SYNE2: variants seen among roughly 807,000 people sequenced by gnomAD.
The protein encoded by SYNE2 is spectrin repeat containing nuclear envelope protein 2, also known as nesprin-2.
Under a neutral mutation model 856.3 loss-of-function variants are expected in SYNE2, and 431 were observed. That is an observed-to-expected ratio of 0.50 (90% CI 0.47 to 0.55). The LOEUF is 0.55. Ranked by LOEUF, SYNE2 falls within the 20% of genes least tolerant of loss-of-function variation. The pLI is 0.00. For missense variants in SYNE2, 8,129 were observed against 8,023.2 expected (o/e 1.01, Z -0.50); for synonymous variants, 2,923 against 2,872.3 (o/e 1.02, Z -0.56).
chr14:64,038,157 C>G (rs1335916078), intron 45 of SYNE2, among the ~76,000 whole-genome samples: 1 of 152,136 alleles, frequency 6.6e-6, no homozygotes, highest in African/African-American at 2.4e-5. Flanking sequence ...TCCTCACATC[C>G]CAGACGGGGC....
chr14:64,218,564 T>C (rs2098677828), intron 109 of SYNE2, 52 bp downstream of exon 109: 1 of 1,556,816 alleles, frequency 6.4e-7, no homozygotes, highest in Non-Finnish European at 8.8e-7. Context: ...GGTATTTAAG[T>C]CCTTGCTCAA....
chr14:63,855,143 A>G (rs950028352), intron 1 of SYNE2, among the ~76,000 whole-genome samples: 1 of 151,976 alleles, frequency 6.6e-6, no homozygotes, highest in Non-Finnish European at 1.5e-5. Flanking sequence ...TACCTTTTTC[A>G]TCTATAAGTA....
chr14:63,912,245 A>AG (rs1317321355), intron 2 of SYNE2, among the ~76,000 whole-genome samples: 39 of 152,340 alleles, frequency 2.6e-4, no homozygotes, highest in African/African-American at 9.1e-4. Flanking sequence ...AAGTTGTTGA[A>AG]GGAAAGAAGG....
At position 64,107,496 on chromosome 14, in the gene SYNE2, A is replaced by G. The variant is rs112274587; in HGVS notation, c.12498A>G (p.Ala4166=). 1 of 1,613,922 alleles carries G rather than the reference A, an allele frequency of 6.2e-7. No individual in the cohort carries two copies. The highest frequency in any genetic ancestry group is 8.5e-7 in the Non-Finnish European group (1 of 1,179,758). ...TCTGATTCTTTTCTTTACAGGAAGC[A>G]TATGGGAAAATAAGCACCTCTGATA... The part of the protein sequence containing the change: ...SSSSGTIVQE[A]YGKISTSDNS... The change falls in exon 65 of 116, where the codon GCA becomes GCG. Residue 4166 remains alanine (A), a synonymous_variant. Coordinates refer to ENST00000555002, the MANE Select transcript of SYNE2 (RefSeq NM_182914.3).
At chr14:64,179,513 C>T (rs1253019787) in intron 96 of SYNE2, among the ~76,000 whole-genome samples, 1 of 152,216 alleles carries the variant, frequency 6.6e-6, no homozygotes, top group Non-Finnish European at 1.5e-5. Flanking sequence ...TTCATTCTCA[C>T]TGCTGTATAG....
chr14:64,110,912 T>C (rs1402284978), intron 65 of SYNE2, among the ~76,000 whole-genome samples: 5 of 152,178 alleles, frequency 3.3e-5, no homozygotes, highest in African/African-American at 4.8e-5. Context: ...TGAAGCTGTA[T>C]GGTTGGAAAT....
At chr14:64,133,482 T>C (rs2098047485) in intron 77 of SYNE2, among the ~76,000 whole-genome samples, 1 of 152,056 alleles carries the variant, frequency 6.6e-6, no homozygotes, top group Non-Finnish European at 1.5e-5. Flanking sequence ...GTTGGGGTCC[T>C]CGGGGTGGGC....
At chr14:64,062,193 TTACTC>T (rs1204015089) in intron 49 of SYNE2, among the ~76,000 whole-genome samples, 1 of 152,202 alleles carries the variant, frequency 6.6e-6, no homozygotes, top group Non-Finnish European at 1.5e-5. Context: ...AGTAATGTAA[TTACTC>T]TATAATATTG....
chr14:63,837,688 G>A (rs1170496312), intron 1 of SYNE2, among the ~76,000 whole-genome samples: 1 of 152,044 alleles, frequency 6.6e-6, no homozygotes. Flanking sequence ...GCCAAGGCAG[G>A]TGGATTGCTG....
At chr14:64,071,997 C>T (rs985864713) in intron 52 of SYNE2, among the ~76,000 whole-genome samples, 1 of 152,002 alleles carries the variant, frequency 6.6e-6, no homozygotes, top group Non-Finnish European at 1.5e-5. Context: ...CAGCCTGAAA[C>T]GTCCATCTCA....
chr14:64,207,147 G>C (rs557624641), intron 100 of SYNE2, among the ~76,000 whole-genome samples: 67 of 152,316 alleles, frequency 4.4e-4, no homozygotes, highest in African/African-American at 1.6e-3. Context: ...ATATAACCTG[G>C]TGGTGTTCAT....
Position 64,002,979 on chromosome 14 carries a change from A to G in SYNE2, c.4046A>G (p.Asp1349Gly). ...AEPVTDLSAS[D>G]TQVAQENTLT... ...CCCGTTACAGACCTTTCAGCCTCAG[A>G]TACACAGGTGGCACAAGAAAATACG... Residue 1349 changes from aspartate (D) to glycine (G), a missense_variant, in exon 30 of 116, where the codon GAT becomes GGT. By Grantham distance (94) the Asp-to-Gly change is moderately conservative. Coordinates refer to ENST00000555002, the MANE Select transcript of SYNE2 (RefSeq NM_182914.3). The G allele has an allele frequency of 3.7e-6, 6 of 1,614,220 alleles. No individual in the cohort carries two copies. Among genetic ancestry groups the G allele is most frequent in the Non-Finnish European group, 5.1e-6 (6 of 1,180,038 alleles).
At chr14:64,161,310 C>G (rs1034404477) in intron 87 of SYNE2, among the ~76,000 whole-genome samples, 1 of 151,186 alleles carries the variant, frequency 6.6e-6, no homozygotes, top group African/African-American at 2.4e-5. Context: ...CACCACTGCA[C>G]TCCAGCCTGG....
chr14:63,898,067 G>A (rs1026369666), intron 1 of SYNE2, among the ~76,000 whole-genome samples: 3 of 152,188 alleles, frequency 2.0e-5, no homozygotes, highest in Non-Finnish European at 4.4e-5. Context: ...TCTGAACACA[G>A]CCGCCAGCTC....
intron 33 of SYNE2, among the ~76,000 whole-genome samples, chr14:64,017,124 G>T (rs916593880): frequency 2.6e-5 from 4 of 151,960 alleles, no homozygotes; most frequent in Admixed American, 2.0e-4. Flanking sequence ...GAGGTCAGGG[G>T]TTTGAGACCA....
chr14:64,220,294 G>T, intron 110 of SYNE2, 143 bp from the exon 111 acceptor site: 2 of 942,736 alleles, frequency 2.1e-6, no homozygotes, highest in South Asian at 1.4e-5. Context: ...ATGCTTTCCA[G>T]CCAGTCCCAG....
chr14:64,223,514 C>A, intron 113 of SYNE2, 134 bp downstream of exon 113: 1 of 907,308 alleles, frequency 1.1e-6, no homozygotes, highest in Non-Finnish European at 1.7e-6. Flanking sequence ...TCATGTCGTG[C>A]CCTTTTTCTA....
intron 96 of SYNE2, among the ~76,000 whole-genome samples, chr14:64,180,983 TA>T (rs1171719868): frequency 7.9e-5 from 12 of 152,276 alleles, no homozygotes; most frequent in Admixed American, 6.5e-4. Flanking sequence ...ACCATCTTGT[TA>T]AACTCTTATG....
rs1255189854 is a variant in SYNE2 at position 64,224,536 on chromosome 14, C to A, written c.20458C>A (p.Pro6820Thr). 2 of 1,614,100 alleles carry A rather than the reference C, an allele frequency of 1.2e-6. No homozygotes were observed. The highest frequency in any genetic ancestry group is 1.1e-5 in the South Asian group (1 of 91,082). Residue 6820 changes from proline (P) to threonine (T), a missense_variant, in exon 114 of 116, where the codon CCC (proline) becomes ACC (threonine). Pro to Thr is a conservative substitution (Grantham distance 38). Transcript: ENST00000555002. ...DQPPATSVPAPRAKFRAVRTT... is the reference protein window; with the variant it reads ...DQPPATSVPATRAKFRAVRTT... ...GCCTCCTGCAACATCCGTGCCAGCT[C>A]CCCGAGCAAAGGTAAGAAGCCCCTT... is the stretch of plus-strand genomic sequence containing the variant.
Sources: gnomAD v4.1 joint callset for allele counts (sites outside exome capture counted in the v4.1 genomes callset) on GRCh38, gnomAD v4.1.1 for gene constraint, MANE v1.5 for transcripts, NCBI Gene and HGNC (gene_info 2026-07-23, HGNC 2026-07-21) for gene names.